SCRG1: variants seen among roughly 807,000 people sequenced by gnomAD.
SCRG1 encodes scrapie-responsive protein 1.
Under a neutral mutation model 7.7 loss-of-function variants are expected in SCRG1, and 3 were observed. The ratio of observed to expected loss-of-function variants is 0.39; its 90% CI spans 0.18 to 1.01. The LOEUF (loss-of-function observed/expected upper bound fraction) is 1.01. Among genes scored for constraint, SCRG1 ranks in the 50% least tolerant of loss-of-function variants. The pLI, the probability that SCRG1 is intolerant of heterozygous loss-of-function variation, is 0.36. For missense variants in SCRG1, 110 were observed against 117.2 expected (o/e 0.94, Z 0.28); for synonymous variants, 46 against 41.2 (o/e 1.12, Z -0.44).
the SCRG1 span, among the ~76,000 whole-genome samples, chr4:173,421,533 A>T: frequency 3.3e-5 from 5 of 152,194 alleles, no homozygotes; most frequent in Non-Finnish European, 7.3e-5. Context: ...GTCACAAGAC[A>T]CTGAAAGGTG....
upstream of SCRG1, among the ~76,000 whole-genome samples, chr4:173,407,188 G>C (rs1363103434): frequency 7.0e-6 from 1 of 142,348 alleles, no homozygotes; most frequent in African/African-American, 2.6e-5. Flanking sequence ...CAGCCTGGGC[G>C]ACAGAGCGAG....
upstream of SCRG1, among the ~76,000 whole-genome samples, chr4:173,401,972 T>C (rs1223358692): frequency 1.3e-5 from 2 of 152,220 alleles, no homozygotes; most frequent in African/African-American, 2.4e-5. Context: ...GGTTTTTAAT[T>C]TGTGGCTCAA....
chr4:173,505,955 T>C, the SCRG1 span, among the ~76,000 whole-genome samples: 1 of 152,150 alleles, frequency 6.6e-6, no homozygotes, highest in East Asian at 1.9e-4. The surrounding 1 kb of genome is among the most constrained non-coding windows in gnomAD (Gnocchi z 4.4). Context: ...AGGTGGCACT[T>C]GGAAGTTAGG....
At chr4:173,491,393 C>G in the SCRG1 span, among the ~76,000 whole-genome samples, 4 of 152,090 alleles carry the variant, frequency 2.6e-5, no homozygotes, top group African/African-American at 9.7e-5. Flanking sequence ...TCACATTTCA[C>G]TGCTGAGTGC....
chr4:173,413,562 G>A, the SCRG1 span, among the ~76,000 whole-genome samples: 7 of 152,204 alleles, frequency 4.6e-5, no homozygotes, highest in African/African-American at 1.7e-4. Context: ...GCAACCATCA[G>A]TAACCCTCTC....
chr4:173,483,888 T>C, the SCRG1 span, among the ~76,000 whole-genome samples: 855 of 70,612 alleles, frequency 0.012, 56 homozygotes, highest in African/African-American at 0.042. Context: ...TTTCATATAA[T>C]ATATGTTATA....
chr4:173,465,818 T>C, the SCRG1 span, among the ~76,000 whole-genome samples: 1 of 152,118 alleles, frequency 6.6e-6, no homozygotes, highest in Non-Finnish European at 1.5e-5. Flanking sequence ...TACCAATCTA[T>C]TCTCTGTCTT....
the SCRG1 span, among the ~76,000 whole-genome samples, chr4:173,491,608 A>G: frequency 6.6e-6 from 1 of 152,216 alleles, no homozygotes; most frequent in African/African-American, 2.4e-5. Context: ...AATATCTGCA[A>G]GTACAGGGTT....
At chr4:173,432,712 T>A in the SCRG1 span, among the ~76,000 whole-genome samples, 2 of 152,106 alleles carry the variant, frequency 1.3e-5, no homozygotes, top group Non-Finnish European at 2.9e-5. Flanking sequence ...CTAAAATGTA[T>A]AGAAAGGGAG....
chr4:173,406,068 A>T (rs1484523170), intron 1 of SCRG1, among the ~76,000 whole-genome samples: 1 of 152,240 alleles, frequency 6.6e-6, no homozygotes, highest in Non-Finnish European at 1.5e-5. Flanking sequence ...TATCTACAAC[A>T]ACCTAAACAT....
the SCRG1 span, among the ~76,000 whole-genome samples, chr4:173,439,815 T>TACTTGAGGG: frequency 1.3e-5 from 2 of 152,180 alleles, no homozygotes. Flanking sequence ...TCCTGCCAGA[T>TACTTGAGGG]ACTTGAGGGA....
At chr4:173,481,623 G>A in the SCRG1 span, among the ~76,000 whole-genome samples, 1 of 151,988 alleles carries the variant, frequency 6.6e-6, no homozygotes, top group Non-Finnish European at 1.5e-5. Context: ...CCCTGAGACA[G>A]CAAGACCAAC....
At chr4:173,417,105 C>G in the SCRG1 span, among the ~76,000 whole-genome samples, 1 of 151,884 alleles carries the variant, frequency 6.6e-6, no homozygotes, top group African/African-American at 2.4e-5. Context: ...ACACAACACA[C>G]ACACACACAG....
At chr4:173,431,441 G>T in the SCRG1 span, among the ~76,000 whole-genome samples, 1 of 152,312 alleles carries the variant, frequency 6.6e-6, no homozygotes, top group South Asian at 2.1e-4. Flanking sequence ...AATTTAGAAG[G>T]TGGAAGATGT....
At chr4:173,453,012 G>A in the SCRG1 span, among the ~76,000 whole-genome samples, 1 of 152,134 alleles carries the variant, frequency 6.6e-6, no homozygotes, top group African/African-American at 2.4e-5. Context: ...CAGGACTCCT[G>A]GGTCACACAT....
chr4:173,496,251 T>G, the SCRG1 span, among the ~76,000 whole-genome samples: 1 of 152,024 alleles, frequency 6.6e-6, no homozygotes, highest in African/African-American at 2.4e-5. Context: ...GGAGGGTACA[T>G]TAACAGTAGG....
At chr4:173,485,504 A>G in the SCRG1 span, among the ~76,000 whole-genome samples, 34 of 151,846 alleles carry the variant, frequency 2.2e-4, no homozygotes, top group Admixed American at 2.2e-3. Context: ...AAGAACTACC[A>G]GCTGGGCCCA....
At chr4:173,487,581 T>A in the SCRG1 span, among the ~76,000 whole-genome samples, 1 of 152,132 alleles carries the variant, frequency 6.6e-6, no homozygotes, top group African/African-American at 2.4e-5. Flanking sequence ...AATGAGAAAA[T>A]AAAATATTAT....
chr4:173,471,340 C>T, the SCRG1 span, among the ~76,000 whole-genome samples: 6 of 152,210 alleles, frequency 3.9e-5, no homozygotes, highest in South Asian at 4.1e-4. Flanking sequence ...ATGGCCAAGC[C>T]GCCACTGGGC....
Sources: gnomAD v4.1 joint callset for allele counts (sites outside exome capture counted in the v4.1 genomes callset) on GRCh38, gnomAD v4.1.1 for gene constraint, Gnocchi (gnomAD v3.1) non-coding constraint, MANE v1.5 for transcripts, NCBI Gene and HGNC (gene_info 2026-07-23, HGNC 2026-07-21) for gene names.